OSBPL5: variants seen among roughly 807,000 people sequenced by gnomAD.
OSBPL5 encodes the protein oxysterol-binding protein-related protein 5.
OSBPL5 carries 71 observed loss-of-function variants against 111.2 expected under a neutral mutation model. The observed-to-expected ratio is 0.64, with a 90% confidence interval of 0.53 to 0.78. The LOEUF (loss-of-function observed/expected upper bound fraction) is 0.78. Ranked by LOEUF, OSBPL5 falls within the 30% of genes least tolerant of loss-of-function variation. The pLI is 0.00. For synonymous variants in OSBPL5, 549 were observed against 513.9 expected (o/e 1.07, Z -0.93); for missense variants, 1,210 against 1,189.3 (o/e 1.02, Z -0.26).
rs1403972977 is a variant in OSBPL5 at position 3,130,831 on chromosome 11, AT to A, written c.-21-1663del. ...TGGGAAGTCCTGCCCCTACTTGTCA[AT>A]CACAACAAACACGTCCTACTTGCCC... is the stretch of plus-strand genomic sequence containing the variant. On this transcript the variant is annotated intron_variant, in intron 1 of 21. Transcript: ENST00000263650. This position sits in a 1 kb window ranked among gnomAD's most constrained non-coding sequence, Gnocchi z 4.5. 6.6e-6 allele frequency among the ~76,000 whole-genome samples: 1 copy of A among 152,100 alleles called. No individual in the cohort carries two copies. The highest frequency in any genetic ancestry group is 2.4e-5 in the African/African-American group (1 of 41,424).
At chr11:3,093,445 C>T (rs1481568060) in intron 17 of OSBPL5, 82 bp downstream of exon 17, 2 of 1,557,934 alleles carry the variant, frequency 1.3e-6, no homozygotes, top group South Asian at 1.2e-5. Flanking sequence ...GCCATGCTCA[C>T]AGCACTGTAG....
intron 7 of OSBPL5, among the ~76,000 whole-genome samples, chr11:3,114,642 A>G (rs1300584497): frequency 2.5e-5 from 3 of 118,366 alleles, no homozygotes; most frequent in African/African-American, 1.0e-4. Flanking sequence ...TCTGTTGCCC[A>G]GGCTGGAGTG....
chr11:3,128,031 C>T (rs1465704193), intron 2 of OSBPL5, among the ~76,000 whole-genome samples: 1 of 152,220 alleles, frequency 6.6e-6, no homozygotes, highest in South Asian at 2.1e-4. Context: ...CCAGGGTGAA[C>T]GTGACAGCAG....
intron 11 of OSBPL5, among the ~76,000 whole-genome samples, chr11:3,102,699 T>A (rs536955387): frequency 2.6e-5 from 4 of 152,206 alleles, no homozygotes; most frequent in African/African-American, 9.6e-5. Flanking sequence ...ATCTGCACAA[T>A]AAAGAAGTGG....
At chr11:3,135,718 G>C (rs1411235698) in intron 1 of OSBPL5, among the ~76,000 whole-genome samples, 1 of 152,220 alleles carries the variant, frequency 6.6e-6, no homozygotes, top group Non-Finnish European at 1.5e-5. Context: ...TGGTGGCAGC[G>C]CCTGGGGGCC....
At chr11:3,128,918 G>T in intron 2 of OSBPL5, 95 bp downstream of exon 2, 1 of 1,149,562 alleles carries the variant, frequency 8.7e-7, no homozygotes, top group Non-Finnish European at 1.1e-6. Flanking sequence ...TGGAAGCTGT[G>T]GACCTCAAGG....
chr11:3,121,961 C>T lies in OSBPL5; in HGVS notation c.402+36G>A, dbSNP rs764655760. On this transcript the variant is annotated intron_variant, in intron 5 of 21. Coordinates refer to ENST00000263650, the MANE Select transcript of OSBPL5 (RefSeq NM_020896.4). This position sits in a 1 kb window ranked among gnomAD's most constrained non-coding sequence, Gnocchi z 4.3. ...TTGTTATGGCAGCAGCACGCTGACC[C>T]GTGTCCTGGGTGGCCGGAGGCCGGG... 13 of 1,525,186 alleles carry T rather than the reference C, an allele frequency of 8.5e-6. No homozygotes were observed. Among genetic ancestry groups the T allele is most frequent in the Admixed American group, 7.8e-5 (4 of 51,230 alleles). The allele number at this position is 1,525,186 out of a possible 1,614,324, so 94.5% of individuals were successfully genotyped here.
intron 14 of OSBPL5, among the ~76,000 whole-genome samples, chr11:3,097,712 T>C (rs1857322148): frequency 6.6e-6 from 1 of 152,130 alleles, no homozygotes; most frequent in South Asian, 2.1e-4. Flanking sequence ...CTTATTACAA[T>C]GCTCAAAGAT....
At chr11:3,163,206 C>T (rs1330411922) in intron 1 of OSBPL5, among the ~76,000 whole-genome samples, 1 of 152,180 alleles carries the variant, frequency 6.6e-6, no homozygotes, top group Non-Finnish European at 1.5e-5. Context: ...ATTCACCTGT[C>T]CCTTGAACAA....
At chr11:3,116,926 T>C (rs1213125710) in intron 7 of OSBPL5, among the ~76,000 whole-genome samples, 1 of 152,088 alleles carries the variant, frequency 6.6e-6, no homozygotes, top group Non-Finnish European at 1.5e-5. Context: ...GGATCCTTTC[T>C]TTTGTTTTTC....
intron 1 of OSBPL5, among the ~76,000 whole-genome samples, chr11:3,144,727 C>T (rs898650782): frequency 5.9e-5 from 9 of 152,236 alleles, no homozygotes; most frequent in East Asian, 1.9e-4. Flanking sequence ...CCTGCAAGCC[C>T]GGGGTCTGCT....
intron 2 of OSBPL5, among the ~76,000 whole-genome samples, chr11:3,128,458 G>A (rs900857481): frequency 6.6e-6 from 1 of 152,234 alleles, no homozygotes; most frequent in African/African-American, 2.4e-5. Flanking sequence ...GTGCCAGGGA[G>A]GGGCCTGGAG....
rs770592377 is a variant in OSBPL5, at chr11:3,120,575, G to A, written c.452C>T (p.Pro151Leu). 7 of 1,613,132 alleles carry A rather than the reference G, an allele frequency of 4.3e-6. No homozygotes were observed. Among genetic ancestry groups the A allele is most frequent in the East Asian group, 2.2e-5 (1 of 44,886 alleles). The change falls in exon 6 of 22, where the codon CCG becomes CTG. Residue 151 changes from proline to leucine, a missense_variant. Transcript: ENST00000263650. ...SWTKLWCVLK[P>L]GVLLIYKTPK... ...CGTCTTGTAGATGAGCAGCACCCCC[G>A]GCTTCAGCACGCACCACAGCTTGGT... is the stretch of plus-strand genomic sequence containing the variant.
At chr11:3,157,540 C>A (rs1207893635) in intron 1 of OSBPL5, among the ~76,000 whole-genome samples, 1 of 152,230 alleles carries the variant, frequency 6.6e-6, no homozygotes, top group East Asian at 1.9e-4. Context: ...GGCAGGAGAG[C>A]CCCAGCCAGC....
In OSBPL5 at chr11:3,093,770, G is replaced by T. The variant is rs1262418249; in HGVS notation, c.1785C>A (p.Val595=). 6.2e-7 allele frequency: 1 copy of T among 1,613,156 alleles called. No individual in the cohort carries two copies. The highest frequency in any genetic ancestry group is 2.2e-5 in the East Asian group (1 of 44,860). Residue 595 remains valine, a synonymous_variant, in exon 16 of 22, where the codon GTC becomes GTA. Transcript: ENST00000263650. The part of the protein sequence containing the change: ...ISGKITSGEE[V]LASLSGHWDR... ...CCCAGTGGCCACTGAGGCTCGCCAG[G>T]ACTTCCTCTCCCGACGTGATCTTTC...
chr11:3,107,568 C>T lies in OSBPL5; in HGVS notation c.867-113G>A. The T allele has an allele frequency of 1.4e-6, 2 of 1,396,652 alleles. No homozygotes were observed. The highest frequency in any genetic ancestry group is 4.6e-5 in the East Asian group (2 of 43,542). The allele number at this position is 1,396,652 out of a possible 1,614,324, so 86.5% of individuals were successfully genotyped here. ...CTTCACATACGTTCCTGCCTGTCGT[C>T]ACCTCCACAACCCACATTTGACACG... On this transcript the variant is annotated intron_variant, in intron 8 of 21. Transcript: ENST00000263650. The surrounding 1 kb of genome is among the most constrained non-coding windows in gnomAD (Gnocchi z 6.1).
chr11:3,128,893 A>T, intron 2 of OSBPL5, 120 bp downstream of exon 2: 2 of 979,892 alleles, frequency 2.0e-6, no homozygotes, highest in Non-Finnish European at 2.7e-6. Flanking sequence ...CATGAAACCC[A>T]CACAGTCCCC....
chr11:3,157,711 G>A (rs773698444), intron 1 of OSBPL5, among the ~76,000 whole-genome samples: 5 of 152,220 alleles, frequency 3.3e-5, no homozygotes, highest in East Asian at 1.9e-4. Context: ...TGAGTAACTC[G>A]TTCTCCTCTG....
At chr11:3,134,595 C>T (rs1477616539) in intron 1 of OSBPL5, among the ~76,000 whole-genome samples, 1 of 152,254 alleles carries the variant, frequency 6.6e-6, no homozygotes, top group African/African-American at 2.4e-5. Context: ...GACTTTGTGC[C>T]TCTTTGGGCC....
Sources: allele counts gnomAD v4.1 joint callset (sites outside exome capture counted in the v4.1 genomes callset), GRCh38; gene constraint gnomAD v4.1.1; non-coding constraint Gnocchi (gnomAD v3.1); transcripts MANE v1.5; gene names NCBI Gene and HGNC (gene_info 2026-07-23, HGNC 2026-07-21).